The following RICTOR variants were observed in gnomAD, a reference collection of about 807,000 sequenced individuals.
RICTOR encodes RPTOR independent companion of MTOR complex 2.
Under a neutral mutation model 214.9 loss-of-function variants are expected in RICTOR, and 49 were observed. The observed-to-expected ratio is 0.23, with a 90% CI of 0.18 to 0.29. The LOEUF is 0.29. Ranked by LOEUF, RICTOR falls within the 10% of genes least tolerant of loss-of-function variation. The pLI, the probability that RICTOR is intolerant of heterozygous loss-of-function variation, is 1.00. For missense variants in RICTOR, 1,625 were observed against 2,047.0 expected (o/e 0.79, Z 3.98); for synonymous variants, 717 against 711.3 (o/e 1.01, Z -0.13).
intron 2 of RICTOR, among the ~76,000 whole-genome samples, chr5:39,071,734 A>G (rs562238804): frequency 7.5e-4 from 115 of 152,360 alleles, no homozygotes; most frequent in African/African-American, 2.5e-3. Context: ...TAGGGATTAC[A>G]ATGACCATGT....
chr5:38,972,225 C>A (rs145929373), intron 10 of RICTOR, among the ~76,000 whole-genome samples: 132 of 152,290 alleles, frequency 8.7e-4, no homozygotes, highest in African/African-American at 3.1e-3. Flanking sequence ...ATGAGTCTGA[C>A]TGCCTGATGA....
chr5:39,000,142 A>C (rs963817632), intron 5 of RICTOR, among the ~76,000 whole-genome samples: 3 of 152,040 alleles, frequency 2.0e-5, no homozygotes, highest in Non-Finnish European at 4.4e-5. Flanking sequence ...AGGAAGCATT[A>C]TATGGGTGAA....
chr5:38,979,900 C>T (rs1001113322), intron 8 of RICTOR, among the ~76,000 whole-genome samples: 1 of 152,142 alleles, frequency 6.6e-6, no homozygotes, highest in Admixed American at 6.5e-5. Flanking sequence ...CGTTTTATCC[C>T]TTTTGTGCTG....
chr5:39,051,631 G>A (rs147676424), intron 2 of RICTOR, among the ~76,000 whole-genome samples: 26 of 152,162 alleles, frequency 1.7e-4, no homozygotes, highest in African/African-American at 6.0e-4. Context: ...GTGGGCGCCT[G>A]TAATCCCAGC....
chr5:38,946,597 G>T, intron 32 of RICTOR, 45 bp from the exon 33 acceptor site: 1 of 1,200,462 alleles, frequency 8.3e-7, no homozygotes, highest in Non-Finnish European at 1.2e-6. Flanking sequence ...ATAAAAATAA[G>T]CCCACTTTAT....
At chr5:38,943,882 C>T (rs1467995665) in intron 36 of RICTOR, among the ~76,000 whole-genome samples, 1 of 152,042 alleles carries the variant, frequency 6.6e-6, no homozygotes, top group Non-Finnish European at 1.5e-5. Context: ...CTTTTAAGAA[C>T]CACTGCTTTA....
chr5:39,019,672 T>C (rs181457414), intron 3 of RICTOR, among the ~76,000 whole-genome samples: 84 of 152,294 alleles, frequency 5.5e-4, no homozygotes, highest in African/African-American at 2.0e-3. Flanking sequence ...ACCCAAGAGT[T>C]GACAGTTACA....
chr5:38,944,461 T>G lies in RICTOR; in HGVS notation c.4898A>C (p.Glu1633Ala). 6.2e-7 allele frequency: 1 copy of G among 1,607,970 alleles called. No homozygotes were observed. The highest frequency in any genetic ancestry group is 8.5e-7 in the Non-Finnish European group (1 of 1,178,214). The change falls in exon 36 of 38, where the codon GAG (glutamate) becomes GCG (alanine). Residue 1633 changes from glutamate (E) to alanine (A), a missense_variant. Physicochemically the swap from Glu to Ala is moderately radical, Grantham distance 107 (BLOSUM62 -1). Transcript: ENST00000357387. ...GTTTACTCACGTTAAAAGCCCAGTC[T>G]CATGACATTTAGTTGAAACTGAACT... ...LSSSVSTKCHETGLLTIKEKY... is the reference protein window; with the variant it reads ...LSSSVSTKCHATGLLTIKEKY...
At chr5:38,982,124 G>T in intron 7 of RICTOR, 88 bp from the exon 8 acceptor site, 2 of 955,906 alleles carry the variant, frequency 2.1e-6, no homozygotes, top group Non-Finnish European at 3.2e-6. Flanking sequence ...TTGCCTTTCT[G>T]ACTTGAAAAA....
chr5:39,029,291 C>T (rs565012283), intron 2 of RICTOR, among the ~76,000 whole-genome samples: 1 of 152,152 alleles, frequency 6.6e-6, no homozygotes, highest in East Asian at 1.9e-4. Flanking sequence ...TAAACACACA[C>T]ATATACAAAG....
At chr5:38,973,522 A>C (rs1750959098) in intron 10 of RICTOR, among the ~76,000 whole-genome samples, 1 of 152,154 alleles carries the variant, frequency 6.6e-6, no homozygotes, top group African/African-American at 2.4e-5. Context: ...GTATGTTTCA[A>C]ATTTTTTATG....
At chr5:38,990,691 A>ATATC (rs1561502222) in intron 7 of RICTOR, among the ~76,000 whole-genome samples, 1 of 4,812 alleles carries the variant, frequency 2.1e-4, no homozygotes, top group African/African-American at 3.6e-4. Flanking sequence ...TATCATATAT[A>ATATC]TGATATATAT....
At chr5:38,975,293 A>G (rs547143927) in intron 10 of RICTOR, among the ~76,000 whole-genome samples, 2 of 152,190 alleles carry the variant, frequency 1.3e-5, no homozygotes, top group South Asian at 4.1e-4. Flanking sequence ...AATCATTAGC[A>G]CAGTGACTGG....
intron 2 of RICTOR, among the ~76,000 whole-genome samples, chr5:39,024,620 T>C (rs1035902713): frequency 6.6e-6 from 1 of 152,218 alleles, no homozygotes; most frequent in Non-Finnish European, 1.5e-5. Context: ...ACTCTTCTAA[T>C]GGAAATGTAT....
At chr5:38,980,977 G>A (rs1470319562) in intron 8 of RICTOR, 1 of 152,050 alleles carries the variant, frequency 6.6e-6, no homozygotes, top group Non-Finnish European at 1.5e-5. Flanking sequence ...AATATCAACA[G>A]TGCCAGTTTA....
At chr5:38,971,991 G>GA in intron 10 of RICTOR, 32 bp from the exon 11 acceptor site, 1 of 999,228 alleles carries the variant, frequency 1.0e-6, no homozygotes, top group Non-Finnish European at 1.5e-6. Context: ...AAAAATCACT[G>GA]ACATGAATTT....
chr5:39,023,143 C>T (rs1330281667), intron 2 of RICTOR, among the ~76,000 whole-genome samples: 1 of 151,494 alleles, frequency 6.6e-6, no homozygotes, highest in African/African-American at 2.4e-5. Flanking sequence ...AGGATAACGG[C>T]GGATTTCTTA....
chr5:38,990,684 C>CATATATATG lies in RICTOR; in HGVS notation c.583+256_583+264dup, dbSNP rs1480642001. On this transcript the variant is annotated intron_variant, in intron 7 of 37. Transcript: ENST00000357387. ...TATATCAGATATATATCAGATATAT[C>CATATATATG]ATATATATGATATATATCAGATATG... is the stretch of plus-strand genomic sequence containing the variant. 6.2e-3 allele frequency among the ~76,000 whole-genome samples: 101 copies of CATATATATG among 16,236 alleles called. 17 individuals are homozygous for CATATATATG. The highest frequency in any genetic ancestry group is 0.017 in the African/African-American group (98 of 5,704). The allele number at this position is 16,236 out of a possible 152,430, so 10.7% of individuals were successfully genotyped here.
At chr5:38,970,011 T>C (rs1385814524) in intron 11 of RICTOR, 1 of 152,194 alleles carries the variant, frequency 6.6e-6, no homozygotes, top group African/African-American at 2.4e-5. Context: ...ACCTTTTCTA[T>C]GTTTAGATGT....
Sources: gnomAD v4.1 joint callset for allele counts (sites outside exome capture counted in the v4.1 genomes callset) on GRCh38, gnomAD v4.1.1 for gene constraint, MANE v1.5 for transcripts, NCBI Gene and HGNC (gene_info 2026-07-23, HGNC 2026-07-21) for gene names.